Variants in TMEM94 observed in about 807,000 individuals in gnomAD.
TMEM94 encodes ER Mg2+ ATPase.
A neutral mutation model predicts 158.6 loss-of-function variants in TMEM94; 81 were observed. The ratio of observed to expected loss-of-function variants is 0.51; its 90% CI spans 0.43 to 0.61. The LOEUF (loss-of-function observed/expected upper bound fraction) is 0.61, where lower values mean the gene tolerates loss of function less well. TMEM94 is among the 20% of genes least tolerant of loss of function. The pLI, the probability that TMEM94 is intolerant of heterozygous loss-of-function variation, is 0.00. For synonymous variants in TMEM94, 751 were observed against 730.7 expected (o/e 1.03, Z -0.45); for missense variants, 1,435 against 1,762.0 (o/e 0.81, Z 3.32).
chr17:75,493,991 C>T (rs2052454470), intron 18 of TMEM94, 75 bp downstream of exon 18: 14 of 1,440,888 alleles, frequency 9.7e-6, no homozygotes, highest in Middle Eastern at 2.4e-4. Context: ...GCAGGGAGGG[C>T]GTCTGGAGGG....
rs2051498640 is a variant in TMEM94, at chr17:75,485,308, G to T, written c.25-120G>T. Reference sequence around the variant, plus strand: ...AGAGGCCAGAGCTGGTAGGGGAAGAGATGTGAGGATCCCAGAGGAGGGGAA... The same window carrying T: ...AGAGGCCAGAGCTGGTAGGGGAAGATATGTGAGGATCCCAGAGGAGGGGAA... On this transcript the variant is annotated intron_variant, in intron 2 of 31. Transcript: ENST00000314256. The surrounding 1 kb of genome is among the most constrained non-coding windows in gnomAD (Gnocchi z 5.5). 3.5e-6 allele frequency: 4 copies of T among 1,148,366 alleles called. No homozygotes were observed. Among genetic ancestry groups the T allele is most frequent in the African/African-American group, 1.5e-5 (1 of 65,276 alleles). The allele number at this position is 1,148,366 out of a possible 1,614,324, so 71.1% of individuals were successfully genotyped here.
At chr17:75,499,186 C>T in intron 31 of TMEM94, 76 bp from the exon 32 acceptor site, 2 of 1,597,036 alleles carry the variant, frequency 1.3e-6, no homozygotes, top group African/African-American at 1.3e-5. Flanking sequence ...ATCCCTCCCT[C>T]CTCCTCTGGT....
intron 1 of TMEM94, 25 bp from the exon 2 acceptor site, chr17:75,471,775 T>G: frequency 5.8e-6 from 5 of 863,536 alleles, no homozygotes; most frequent in African/African-American, 3.4e-5. Context: ...GCAACCTGAG[T>G]GATTTCTTTC....
chr17:75,474,512 A>G lies in TMEM94; in HGVS notation c.24+2583A>G, dbSNP rs530400324. On this transcript the variant is annotated intron_variant, in intron 2 of 31. Coordinates refer to ENST00000314256, the MANE Select transcript of TMEM94 (RefSeq NM_014738.6). ...AAAAATTAGCCAGGCATGATAGTGC[A>G]TGCCTGTAATCCCAGCTATTTGGGA... Among the ~76,000 whole-genome samples the G allele has an allele frequency of 7.9e-5, 12 of 151,760 alleles. 1 individual carries two copies. The highest frequency in any genetic ancestry group is 2.2e-4 in the African/African-American group (9 of 41,406).
chr17:75,489,542 G>C lies in TMEM94; in HGVS notation c.868-34G>C. ...AGTGCCTGGGTCCCTCTAGAGGGGC[G>C]GGGTCAAGGCTGTGCCTCTGCTGTT... On this transcript the variant is annotated intron_variant, in intron 8 of 31. Coordinates refer to ENST00000314256, the MANE Select transcript of TMEM94 (RefSeq NM_014738.6). The surrounding 1 kb of genome is among the most constrained non-coding windows in gnomAD (Gnocchi z 5.0). The C allele has an allele frequency of 6.3e-7, 1 of 1,592,934 alleles. No individual in the cohort carries two copies. The highest frequency in any genetic ancestry group is 8.6e-7 in the Non-Finnish European group (1 of 1,160,958).
chr17:75,494,977 G>A lies in TMEM94; in HGVS notation c.2671G>A (p.Glu891Lys), dbSNP rs1251201218. The stretch of plus-strand genomic sequence containing the variant: ...ACCCAATGGTGACATGCCTGGCTCC[G>A]AGATCCCCCCCTCCAGCCCCAGCCA... ...LTPNGDMPGS[E>K]IPPSSPSHAG... Residue 891 changes from glutamate to lysine, a missense_variant, in exon 20 of 32, where the codon GAG (glutamate) becomes AAG (lysine). Coordinates refer to ENST00000314256, the MANE Select transcript of TMEM94 (RefSeq NM_014738.6). 3.7e-6 allele frequency: 6 copies of A among 1,613,208 alleles called. No homozygotes were observed. The highest frequency in any genetic ancestry group is 1.3e-5 in the African/African-American group (1 of 74,890).
rs1158705040 is a variant in TMEM94, at chr17:75,485,737, A to G, written c.145-134A>G. The G allele has an allele frequency of 3.0e-6, 4 of 1,355,754 alleles. No homozygotes were observed. The highest frequency in any genetic ancestry group is 4.0e-6 in the Non-Finnish European group (4 of 1,001,110). The allele number at this position is 1,355,754 out of a possible 1,614,324, so 84.0% of individuals were successfully genotyped here. A position where few individuals can be genotyped will look rare whatever the true frequency, so the allele number is the denominator to read the frequency against. Reference sequence around the variant, plus strand: ...TGAGCCTGCTTGCTGCAGGAGCCCAACAGGCTGGAGCCCAGCCGAGGTCAA... The same window carrying G: ...TGAGCCTGCTTGCTGCAGGAGCCCAGCAGGCTGGAGCCCAGCCGAGGTCAA... On this transcript the variant is annotated intron_variant, in intron 3 of 31. Transcript: ENST00000314256. The surrounding 1 kb of genome is among the most constrained non-coding windows in gnomAD (Gnocchi z 5.5).
chr17:75,490,298 G>T lies in TMEM94; in HGVS notation c.1019G>T (p.Cys340Phe), dbSNP rs754191363. 6.2e-7 allele frequency: 1 copy of T among 1,614,110 alleles called. No individual in the cohort carries two copies. Among genetic ancestry groups the T allele is most frequent in the Non-Finnish European group, 8.5e-7 (1 of 1,180,028 alleles). ...FPVLWVLATACGEARVLAQMS... is the reference protein window; with the variant it reads ...FPVLWVLATAFGEARVLAQMS... ...GTCCTCTGGGTTCTGGCAACTGCCT[G>T]TGGAGAGGCCCGTGTCCTGGCCCAG... Residue 340 changes from cysteine (C) to phenylalanine (F), a missense_variant, in exon 10 of 32, where the codon TGT becomes TTT. By Grantham distance (205) the Cys-to-Phe change is radical (BLOSUM62 -2). Around this residue, in one of 3 missense-constraint regions of TMEM94, gnomAD observed 1,051 missense variants for 1,254.4 expected, o/e 0.84. Coordinates refer to ENST00000314256, the MANE Select transcript of TMEM94 (RefSeq NM_014738.6).
Position 75,489,832 on chromosome 17 carries a change from G to C in TMEM94, c.954+170G>C. ...GTGGGGACTCAGGCCTGTAATCCAA[G>C]CACTTTGGGAGGCCACGGCAGGCAG... is the stretch of plus-strand genomic sequence containing the variant. On this transcript the variant is annotated intron_variant, in intron 9 of 31. Coordinates refer to ENST00000314256, the MANE Select transcript of TMEM94 (RefSeq NM_014738.6). This position sits in a 1 kb window ranked among gnomAD's most constrained non-coding sequence, Gnocchi z 5.0. The C allele has an allele frequency of 1.5e-6, 1 of 652,130 alleles. No homozygotes were observed. The highest frequency in any genetic ancestry group is 2.7e-6 in the Non-Finnish European group (1 of 372,114). 40.4% of individuals were successfully genotyped at this position (652,130 alleles called of 1,614,324 possible).
At chr17:75,469,875 C>G (rs532540933) in intron 1 of TMEM94, among the ~76,000 whole-genome samples, 1 of 152,042 alleles carries the variant, frequency 6.6e-6, no homozygotes, top group South Asian at 2.1e-4. Context: ...GAGTTTGAGA[C>G]GAGCCTGACC....
At chr17:75,460,223 A>C (rs1354038414) in intron 1 of TMEM94, among the ~76,000 whole-genome samples, 1 of 152,152 alleles carries the variant, frequency 6.6e-6, no homozygotes, top group African/African-American at 2.4e-5. Flanking sequence ...GAACCTTGAA[A>C]GGCTTAGAGT....
intron 31 of TMEM94, 31 bp downstream of exon 31, chr17:75,499,113 G>A: frequency 6.4e-7 from 1 of 1,574,584 alleles, no homozygotes; most frequent in Non-Finnish European, 8.6e-7. Context: ...CTCCCTCTGG[G>A]CTCAGGCATG....
At position 75,495,750 on chromosome 17, in the gene TMEM94, G is replaced by A; in HGVS notation, c.2944+107G>A. 9.2e-7 allele frequency: 1 copy of A among 1,089,004 alleles called. No homozygotes were observed. The highest frequency in any genetic ancestry group is 1.4e-6 in the Non-Finnish European group (1 of 730,116). The allele number at this position is 1,089,004 out of a possible 1,614,324, so 67.5% of individuals were successfully genotyped here. A position where few individuals can be genotyped will look rare whatever the true frequency, so the allele number is the denominator to read the frequency against. On this transcript the variant is annotated intron_variant, in intron 22 of 31. Coordinates refer to ENST00000314256, the MANE Select transcript of TMEM94 (RefSeq NM_014738.6). The surrounding 1 kb of genome is among the most constrained non-coding windows in gnomAD (Gnocchi z 5.6). ...TGGAGGGATGTAGGTTTCCCATGCA[G>A]GGAGTAAAGGAACCTGGGCTGGGAT... is the stretch of plus-strand genomic sequence containing the variant.
chr17:75,484,890 T>G (rs1424149236), intron 2 of TMEM94, among the ~76,000 whole-genome samples: 1 of 151,656 alleles, frequency 6.6e-6, no homozygotes, highest in Non-Finnish European at 1.5e-5. Context: ...TACAAAAAAT[T>G]AGCCCGACAT....
At chr17:75,462,653 T>A (rs2050117252) in intron 1 of TMEM94, among the ~76,000 whole-genome samples, 1 of 150,568 alleles carries the variant, frequency 6.6e-6, no homozygotes, top group African/African-American at 2.4e-5. Context: ...ACCAGCCTGG[T>A]CAACATAAGT....
chr17:75,494,983 C>G lies in TMEM94; in HGVS notation c.2677C>G (p.Pro893Ala), dbSNP rs746609802. The change falls in exon 20 of 32, where the codon CCC becomes GCC. Residue 893 changes from proline (P) to alanine (A), a missense_variant. By Grantham distance (27) the Pro-to-Ala change is conservative. Coordinates refer to ENST00000314256, the MANE Select transcript of TMEM94 (RefSeq NM_014738.6). ...TGGTGACATGCCTGGCTCCGAGATC[C>G]CCCCCTCCAGCCCCAGCCACGCAGG... ...PNGDMPGSEI[P>A]PSSPSHAGSL... 7 of 1,613,448 alleles carry G rather than the reference C, an allele frequency of 4.3e-6. No homozygotes were observed. The South Asian group carries it at 7.7e-5, about 18-fold the overall frequency.
At position 75,493,890 on chromosome 17, in the gene TMEM94, C is replaced by T; in HGVS notation, c.2381C>T (p.Ala794Val). Residue 794 changes from alanine to valine, a missense_variant, in exon 18 of 32, where the codon GCC (alanine) becomes GTC (valine). Physicochemically the swap from Ala to Val is moderately conservative, Grantham distance 64. Transcript: ENST00000314256. ...AGCACCATCCCCATCAAGCAGAACG[C>T]CCGCCGCAGCAGCTGGAGCTCTGAC... The part of the protein sequence containing the change: ...LPSTIPIKQN[A>V]RRSSWSSDEG... The T allele has an allele frequency of 6.2e-7, 1 of 1,612,292 alleles. No individual in the cohort carries two copies. Among genetic ancestry groups the T allele is most frequent in the Non-Finnish European group, 8.5e-7 (1 of 1,179,964 alleles).
In TMEM94 at chr17:75,493,094, C is replaced by T; in HGVS notation, c.2078C>T (p.Thr693Ile). ...ATGATCAGCCTCTTCATTAAAGACA[C>T]CACCACCAGTGAGCCCTGGCTACGT... ...SHMISLFIKD[T>I]TTSTEQMLSH... Residue 693 changes from threonine (T) to isoleucine (I), a missense_variant, in exon 16 of 32, where the codon ACC becomes ATC. Physicochemically the swap from Thr to Ile is moderately conservative, Grantham distance 89. Around this residue, in one of 3 missense-constraint regions of TMEM94, gnomAD observed 1,051 missense variants for 1,254.4 expected, o/e 0.84. Transcript: ENST00000314256. 1 of 1,612,912 alleles carries T rather than the reference C, an allele frequency of 6.2e-7. No individual in the cohort carries two copies. The highest frequency in any genetic ancestry group is 8.5e-7 in the Non-Finnish European group (1 of 1,179,822).
At position 75,499,369 on chromosome 17, in the gene TMEM94, C is replaced by G. The variant is rs1057155229; in HGVS notation, c.*35C>G. On this transcript the variant is annotated 3_prime_UTR_variant, in exon 32 of 32. Coordinates refer to ENST00000314256, the MANE Select transcript of TMEM94 (RefSeq NM_014738.6). The stretch of plus-strand genomic sequence containing the variant: ...TGTGGTGGCTGTAGTTGCCCCCGTC[C>G]CTGGGGCTAAAGCCAGACCCATTTC... 11 of 1,581,522 alleles carry G rather than the reference C, an allele frequency of 7.0e-6. No individual in the cohort carries two copies. The highest frequency in any genetic ancestry group is 1.7e-5 in the Admixed American group (1 of 59,944).
Sources: allele counts gnomAD v4.1 joint callset (sites outside exome capture counted in the v4.1 genomes callset), GRCh38; gene constraint gnomAD v4.1.1; regional missense constraint gnomAD v4.1.1; non-coding constraint Gnocchi (gnomAD v3.1); transcripts MANE v1.5; gene names NCBI Gene and HGNC (gene_info 2026-07-23, HGNC 2026-07-21).